Variants in WWC2 observed in about 807,000 individuals in gnomAD.
WWC2 encodes the protein WW and C2 domain containing 2, also known as protein WWC2.
Under a neutral mutation model 138.5 loss-of-function variants are expected in WWC2, and 101 were observed. That is an observed-to-expected ratio of 0.73 (90% CI 0.62 to 0.86). The LOEUF is 0.86. Ranked by LOEUF, WWC2 falls within the 40% of genes least tolerant of loss-of-function variation. The pLI is 0.00. For synonymous variants in WWC2, 558 were observed against 538.4 expected (o/e 1.04, Z -0.50); for missense variants, 1,420 against 1,419.4 (o/e 1.00, Z -0.01).
chr4:183,165,852 T>C (rs950297141), intron 1 of WWC2, among the ~76,000 whole-genome samples: 2 of 152,254 alleles, frequency 1.3e-5, no homozygotes, highest in Non-Finnish European at 2.9e-5. Flanking sequence ...TAAAAAATGC[T>C]TTTGTTTAAT....
rs181811044 is a variant in WWC2 at position 183,167,717 on chromosome 4, G to A, written c.132-25882G>A. Among the ~76,000 whole-genome samples, 74 of 152,178 alleles carry A rather than the reference G, an allele frequency of 4.9e-4. 1 individual carries two copies. In the East Asian group the frequency reaches 0.01, roughly 21 times the overall value. On this transcript the variant is annotated intron_variant, in intron 1 of 22. Coordinates refer to ENST00000403733, the MANE Select transcript of WWC2 (RefSeq NM_024949.6). The stretch of plus-strand genomic sequence containing the variant: ...ACTTTGGTGCACTTAGAAAAAACAT[G>A]TTTAGTTTGACTGTAGCTTTGGGAA...
rs144647982 is a variant in WWC2, at chr4:183,216,725, GA to G, written c.522+7704del. Among the ~76,000 whole-genome samples, 78 of 152,322 alleles carry G rather than the reference GA, an allele frequency of 5.1e-4. 1 individual carries two copies. In the East Asian group the frequency reaches 0.011, roughly 22 times the overall value. On this transcript the variant is annotated intron_variant, in intron 4 of 22. Transcript: ENST00000403733. ...GTGCATGAGTTGATGAGACAGAAGA[GA>G]AAAGTTCATTGGCGGAGAAGTGGCT...
chr4:183,207,087 T>C (rs1735467064), intron 2 of WWC2, among the ~76,000 whole-genome samples: 1 of 152,158 alleles, frequency 6.6e-6, no homozygotes, highest in Admixed American at 6.5e-5. Flanking sequence ...TGAATGCTGT[T>C]GCAGAACACT....
At chr4:183,284,508 G>A in intron 19 of WWC2, 118 bp downstream of exon 19, 1 of 1,152,806 alleles carries the variant, frequency 8.7e-7, no homozygotes, top group Non-Finnish European at 1.2e-6. Context: ...AACGACAAAT[G>A]CTAGAAATGC....
Position 183,320,042 on chromosome 4 carries a change from T to G in WWC2, c.*4313T>G, listed in dbSNP as rs766038472. The G allele has an allele frequency of 1.9e-6, 3 of 1,613,974 alleles. No homozygotes were observed. The highest frequency in any genetic ancestry group is 2.5e-6 in the Non-Finnish European group (3 of 1,179,994). On this transcript the variant is annotated 3_prime_UTR_variant, in exon 23 of 23. Coordinates refer to ENST00000403733, the MANE Select transcript of WWC2 (RefSeq NM_024949.6). ...CAAAGTCCTTGCATTGCATCCCCAC[T>G]TCCTCTTGGATGACACAGGTTTGCC... is the stretch of plus-strand genomic sequence containing the variant.
intron 4 of WWC2, among the ~76,000 whole-genome samples, chr4:183,238,499 C>T (rs528653871): frequency 1.3e-5 from 2 of 152,200 alleles, no homozygotes; most frequent in South Asian, 2.1e-4. Flanking sequence ...AAATTCTCAA[C>T]GTGGCATCTG....
chr4:183,245,591 GC>G, intron 6 of WWC2, 46 bp downstream of exon 6: 1 of 1,502,992 alleles, frequency 6.7e-7, no homozygotes, highest in Non-Finnish European at 8.9e-7. Context: ...ACCTTCTGAG[GC>G]CCCCAGAAAC....
At chr4:183,100,997 T>C (rs913694032) in intron 1 of WWC2, among the ~76,000 whole-genome samples, 2 of 152,244 alleles carry the variant, frequency 1.3e-5, no homozygotes, top group South Asian at 4.1e-4. Flanking sequence ...ATTTGACTTA[T>C]GCTATTGCAC....
intron 16 of WWC2, among the ~76,000 whole-genome samples, chr4:183,277,326 C>T (rs1295272335): frequency 1.3e-5 from 2 of 151,494 alleles, no homozygotes; most frequent in Admixed American, 6.6e-5. Context: ...TTTTTTATGG[C>T]TGCGTAGTAT....
chr4:183,107,361 C>T (rs1431588947), intron 1 of WWC2, among the ~76,000 whole-genome samples: 5 of 152,082 alleles, frequency 3.3e-5, no homozygotes, highest in Non-Finnish European at 5.9e-5. Flanking sequence ...GGGGTTGGGC[C>T]GGTCTCGAAC....
chr4:183,315,032 G>C (rs778288108), intron 22 of WWC2, among the ~76,000 whole-genome samples: 1 of 152,208 alleles, frequency 6.6e-6, no homozygotes, highest in African/African-American at 2.4e-5. Context: ...ACGTGCTGAC[G>C]GCATAAATGC....
chr4:183,228,839 G>C (rs946022202), intron 4 of WWC2, among the ~76,000 whole-genome samples: 1 of 152,068 alleles, frequency 6.6e-6, no homozygotes, highest in African/African-American at 2.4e-5. Context: ...GTATGTGTCT[G>C]TAGCCTAATG....
chr4:183,268,504 A>G (rs755616681), intron 14 of WWC2, among the ~76,000 whole-genome samples: 1 of 152,154 alleles, frequency 6.6e-6, no homozygotes, highest in African/African-American at 2.4e-5. Flanking sequence ...CTCTAGTAGG[A>G]TAATGTATTC....
chr4:183,304,249 A>G (rs1482588300), intron 21 of WWC2, among the ~76,000 whole-genome samples: 1 of 152,164 alleles, frequency 6.6e-6, no homozygotes, highest in Non-Finnish European at 1.5e-5. Context: ...ACCTATGAGC[A>G]GTGACCTCTG....
At chr4:183,246,184 A>T (rs1736774912) in intron 6 of WWC2, among the ~76,000 whole-genome samples, 1 of 152,210 alleles carries the variant, frequency 6.6e-6, no homozygotes, top group Admixed American at 6.5e-5. Flanking sequence ...ATAGCCGTTA[A>T]GTGATCAGTA....
intron 1 of WWC2, among the ~76,000 whole-genome samples, chr4:183,111,226 C>T (rs1341617245): frequency 6.6e-6 from 1 of 152,014 alleles, no homozygotes; most frequent in East Asian, 1.9e-4. Flanking sequence ...GGCGACAGAG[C>T]CAGACTCCAT....
intron 4 of WWC2, among the ~76,000 whole-genome samples, chr4:183,222,198 A>G (rs529176637): frequency 2.6e-5 from 4 of 152,266 alleles, no homozygotes; most frequent in African/African-American, 9.6e-5. Context: ...ACATGATTAT[A>G]TATACTTGTC....
chr4:183,201,510 G>A (rs1735297589), intron 2 of WWC2, among the ~76,000 whole-genome samples: 4 of 152,122 alleles, frequency 2.6e-5, no homozygotes, highest in Admixed American at 2.6e-4. Flanking sequence ...TTCACAGCCT[G>A]AATCACTTTA....
At chr4:183,099,694 G>T (rs1336522435) in intron 1 of WWC2, 72 bp downstream of exon 1, 1 of 1,166,158 alleles carries the variant, frequency 8.6e-7, no homozygotes, top group Non-Finnish European at 1.1e-6. Flanking sequence ...CGGCCGCGCG[G>T]GGGGCTGGGG....
Sources: allele counts gnomAD v4.1 joint callset (sites outside exome capture counted in the v4.1 genomes callset), GRCh38; gene constraint gnomAD v4.1.1; transcripts MANE v1.5; gene names NCBI Gene and HGNC (gene_info 2026-07-23, HGNC 2026-07-21).